SUCLG2: variants seen among roughly 807,000 people sequenced by gnomAD.
SUCLG2 encodes the protein succinate--CoA ligase [GDP-forming] subunit beta, mitochondrial.
SUCLG2 carries 42 observed loss-of-function variants against 47.9 expected under a neutral mutation model. That is an observed-to-expected ratio of 0.88 (90% confidence interval 0.69 to 1.14). The LOEUF (loss-of-function observed/expected upper bound fraction) is 1.14. SUCLG2 is among the 50% of genes most tolerant of loss of function. The pLI is 0.00. For synonymous variants in SUCLG2, 195 were observed against 197.3 expected (o/e 0.99, Z 0.10); for missense variants, 571 against 525.9 (o/e 1.09, Z -0.84).
intron 9 of SUCLG2, among the ~76,000 whole-genome samples, chr3:67,492,779 A>C (rs1214119973): frequency 6.6e-6 from 1 of 152,232 alleles, no homozygotes; most frequent in Non-Finnish European, 1.5e-5. Context: ...AATAATAAGA[A>C]ACGTATTAGT....
At chr3:67,419,032 T>C (rs897094226) in intron 9 of SUCLG2, among the ~76,000 whole-genome samples, 8 of 151,998 alleles carry the variant, frequency 5.3e-5, no homozygotes, top group Non-Finnish European at 1.0e-4. Flanking sequence ...AATACAATGG[T>C]ATGACACTTA....
intron 10 of SUCLG2, among the ~76,000 whole-genome samples, chr3:67,387,411 C>T (rs1478927038): frequency 6.6e-6 from 1 of 152,106 alleles, no homozygotes; most frequent in East Asian, 1.9e-4. Context: ...TCTCTATCAG[C>T]CAATTATATT....
intron 2 of SUCLG2, among the ~76,000 whole-genome samples, chr3:67,575,203 C>T (rs1345050995): frequency 1.3e-5 from 2 of 152,152 alleles, no homozygotes; most frequent in East Asian, 1.9e-4. Flanking sequence ...TCCTAGGTAT[C>T]TATTCAAGAG....
chr3:67,399,182 T>TA (rs150131579), intron 10 of SUCLG2, among the ~76,000 whole-genome samples: 9 of 150,540 alleles, frequency 6.0e-5, no homozygotes, highest in East Asian at 5.8e-4. Context: ...AATAATAAAA[T>TA]AAAAAAAAAG....
chr3:67,571,676 A>G (rs1323119408), intron 2 of SUCLG2, among the ~76,000 whole-genome samples: 2 of 152,204 alleles, frequency 1.3e-5, no homozygotes, highest in Non-Finnish European at 2.9e-5. Context: ...TGTTCACCCT[A>G]TATCATTTAA....
intron 2 of SUCLG2, among the ~76,000 whole-genome samples, chr3:67,561,198 C>T (rs1217315428): frequency 1.3e-5 from 2 of 151,660 alleles, no homozygotes; most frequent in Non-Finnish European, 2.9e-5. Flanking sequence ...GTTTTAGTGA[C>T]TCCTACAAAC....
At chr3:67,490,377 A>G (rs751522312) in intron 9 of SUCLG2, among the ~76,000 whole-genome samples, 1 of 152,232 alleles carries the variant, frequency 6.6e-6, no homozygotes, top group Non-Finnish European at 1.5e-5. Context: ...CTGGCTTCAC[A>G]TTCTAAAGTT....
At chr3:67,508,074 T>C (rs190668629) in intron 7 of SUCLG2, among the ~76,000 whole-genome samples, 1 of 152,352 alleles carries the variant, frequency 6.6e-6, no homozygotes, top group African/African-American at 2.4e-5. Flanking sequence ...AAGTTATTTA[T>C]ACTCTACAAC....
chr3:67,485,163 A>G (rs552110633), intron 9 of SUCLG2, among the ~76,000 whole-genome samples: 1 of 152,348 alleles, frequency 6.6e-6, no homozygotes, highest in South Asian at 2.1e-4. Context: ...ATATTAATAA[A>G]TGACTTGCCG....
At chr3:67,595,128 A>C (rs1708265194) in intron 2 of SUCLG2, among the ~76,000 whole-genome samples, 1 of 152,192 alleles carries the variant, frequency 6.6e-6, no homozygotes. Flanking sequence ...ATCATTAGTT[A>C]TACTTCCATA....
rs571452611 is a variant in SUCLG2, at chr3:67,428,130, GGACA to G, written c.1063-27283_1063-27280del. The stretch of plus-strand genomic sequence containing the variant: ...GCACAGAGTTTGAGAACTGGAGAAT[GGACA>G]GACTGCCTCCTCAAGTGGGTCCCTG... On this transcript the variant is annotated intron_variant, in intron 9 of 10. Transcript: ENST00000307227. Among the ~76,000 whole-genome samples the G allele has an allele frequency of 1.4e-3, 220 of 152,316 alleles. 1 individual carries two copies. The highest frequency in any genetic ancestry group is 5.1e-3 in the African/African-American group (214 of 41,560).
At position 67,482,519 on chromosome 3, in the gene SUCLG2, A is replaced by G. The variant is rs1041195517; in HGVS notation, c.1062+13279T>C. Among the ~76,000 whole-genome samples, 3 of 152,140 alleles carry G rather than the reference A, an allele frequency of 2.0e-5. No homozygotes were observed. The South Asian group carries it at 6.2e-4, about 32-fold the overall frequency. ...TTCACCCTTCTTATTTGAATACCAA[A>G]TATCTATTCTTTGGAATTTGGTCAG... is the stretch of plus-strand genomic sequence containing the variant. On this transcript the variant is annotated intron_variant, in intron 9 of 10. Transcript: ENST00000307227.
intron 9 of SUCLG2, among the ~76,000 whole-genome samples, chr3:67,450,307 G>A (rs977777795): frequency 1.3e-5 from 2 of 152,138 alleles, no homozygotes; most frequent in African/African-American, 4.8e-5. Flanking sequence ...CTCCTGAGTG[G>A]CTGAAATTAC....
intron 9 of SUCLG2, among the ~76,000 whole-genome samples, chr3:67,458,833 T>C (rs920979208): frequency 3.9e-5 from 6 of 152,316 alleles, no homozygotes; most frequent in Admixed American, 3.9e-4. Context: ...ATATGGTCCT[T>C]TGAGTTTTTC....
At chr3:67,413,182 G>T (rs1490071679) in intron 9 of SUCLG2, among the ~76,000 whole-genome samples, 2 of 152,114 alleles carry the variant, frequency 1.3e-5, no homozygotes, top group Non-Finnish European at 2.9e-5. Flanking sequence ...CAAGCTAAAG[G>T]CTTTATTATC....
At chr3:67,541,426 G>T (rs1057318372) in intron 2 of SUCLG2, among the ~76,000 whole-genome samples, 12 of 152,184 alleles carry the variant, frequency 7.9e-5, no homozygotes, top group Middle Eastern at 3.4e-3. Context: ...TGGAAGAAAG[G>T]ATATCAGAGA....
At chr3:67,615,902 T>A (rs1387176768) in intron 1 of SUCLG2, among the ~76,000 whole-genome samples, 1 of 152,014 alleles carries the variant, frequency 6.6e-6, no homozygotes, top group African/African-American at 2.4e-5. Context: ...TTGGAAATGA[T>A]CCAAATGCCC....
intron 7 of SUCLG2, among the ~76,000 whole-genome samples, chr3:67,502,644 C>T (rs557659061): frequency 6.6e-6 from 1 of 152,242 alleles, no homozygotes; most frequent in East Asian, 1.9e-4. Context: ...TAAGAGCTTC[C>T]CATTATTGTA....
At chr3:67,634,378 A>G (rs1442414779) in intron 1 of SUCLG2, among the ~76,000 whole-genome samples, 1 of 152,058 alleles carries the variant, frequency 6.6e-6, no homozygotes, top group African/African-American at 2.4e-5. Context: ...AGCAAGACCC[A>G]CTCTCAATTT....
Sources: gnomAD v4.1 joint callset for allele counts (sites outside exome capture counted in the v4.1 genomes callset) on GRCh38, gnomAD v4.1.1 for gene constraint, MANE v1.5 for transcripts, NCBI Gene and HGNC (gene_info 2026-07-23, HGNC 2026-07-21) for gene names.